The following HBE1 variants were observed in gnomAD, a reference collection of about 807,000 sequenced individuals.
HBE1 encodes hemoglobin subunit epsilon.
HBE1 carries 10 observed loss-of-function variants against 12.1 expected under a neutral mutation model. The ratio of observed to expected loss-of-function variants is 0.83; its 90% CI spans 0.51 to 1.40. The LOEUF is 1.40. HBE1 is among the 40% of genes most tolerant of loss of function. The probability of loss-of-function intolerance (pLI) is 0.00; values close to 1 mark genes in which losing one functional copy is unlikely to be tolerated. For synonymous variants in HBE1, 78 were observed against 70.4 expected (o/e 1.11, Z -0.54); for missense variants, 172 against 175.8 (o/e 0.98, Z 0.12).
At chr11:5,269,322 A>G in intron 2 of HBE1, 132 bp downstream of exon 2, 4 of 743,900 alleles carry the variant, frequency 5.4e-6, no homozygotes, top group Non-Finnish European at 9.7e-6. Context: ...GCTCACTAGA[A>G]GTCTGCTGTT....
rs1189601673 is a variant in HBE1, at chr11:5,268,394, C to A, written c.*75G>T. 19 of 1,379,584 alleles carry A rather than the reference C, an allele frequency of 1.4e-5. No individual in the cohort carries two copies. Among genetic ancestry groups the A allele is most frequent in the Non-Finnish European group, 1.8e-5 (18 of 1,008,100 alleles). 85.5% of individuals were successfully genotyped at this position (1,379,584 alleles called of 1,614,324 possible). On this transcript the variant is annotated 3_prime_UTR_variant, in exon 3 of 3. Coordinates refer to ENST00000396895, the MANE Select transcript of HBE1 (RefSeq NM_005330.4). Reference sequence around the variant, plus strand: ...CTTTATTAAACAGAAGGCTTTCTCTCAAGGCCAAGCCCAGTCCCCATGTGC... The same window carrying A: ...CTTTATTAAACAGAAGGCTTTCTCTAAAGGCCAAGCCCAGTCCCCATGTGC...
At position 5,269,930 on chromosome 11, in the gene HBE1, T is replaced by A. The variant is rs758295345; in HGVS notation, c.-40A>T. On this transcript the variant is annotated 5_prime_UTR_variant, in exon 1 of 3. Coordinates refer to ENST00000396895, the MANE Select transcript of HBE1 (RefSeq NM_005330.4). ...GAGCTTGCTAGTGATTGCAGCTGTG[T>A]CGGAAGCAGATATGTGCTGCTGCCT... The A allele has an allele frequency of 4.8e-6, 7 of 1,444,098 alleles. No individual in the cohort carries two copies. Among genetic ancestry groups the A allele is most frequent in the Non-Finnish European group, 6.8e-6 (7 of 1,027,620 alleles). The allele number at this position is 1,444,098 out of a possible 1,614,324, so 89.5% of individuals were successfully genotyped here.
rs202117063 is a variant in HBE1 at position 5,269,054 on chromosome 11, A to AT, written c.315+399dup. Among the ~76,000 whole-genome samples the AT allele has an allele frequency of 5.4e-3, 826 of 151,978 alleles. 2 individuals carry two copies. The highest frequency in any genetic ancestry group is 7.6e-3 in the Non-Finnish European group (515 of 67,920). On this transcript the variant is annotated intron_variant, in intron 2 of 2. Transcript: ENST00000396895. ...TTATTTTTCTTTGAGCAAATCTTTT[A>AT]TTTTTTTTGCAAAAATCTCTTTCTA... is the stretch of plus-strand genomic sequence containing the variant.
At position 5,269,815 on chromosome 11, in the gene HBE1, C is replaced by T. The variant is rs536617724; in HGVS notation, c.76G>A (p.Gly26Ser). Residue 26 changes from glycine to serine, a missense_variant, in exon 1 of 3, where the codon GGT becomes AGT. By Grantham distance (56) the Gly-to-Ser change is moderately conservative. Transcript: ENST00000396895. ...WSKMNVEEAG[G>S]EALGRLLVVY... Reference sequence around the variant, plus strand: ...AATGCTTACCTGCCCAAGGCTTCACCTCCAGCCTCTTCCACATTCATCTTG... The same window carrying T: ...AATGCTTACCTGCCCAAGGCTTCACTTCCAGCCTCTTCCACATTCATCTTG... 14 of 1,612,722 alleles carry T rather than the reference C, an allele frequency of 8.7e-6. No homozygotes were observed. Among genetic ancestry groups the T allele is most frequent in the Middle Eastern group, 1.6e-4 (1 of 6,078 alleles).
chr11:5,268,639 AG>A (rs757199143), intron 2 of HBE1, 42 bp from the exon 3 acceptor site: 2 of 1,579,008 alleles, frequency 1.3e-6, no homozygotes, highest in South Asian at 2.2e-5. Context: ...CATGTTGAGT[AG>A]AAGTTTCCGA....
chr11:5,269,379 T>A, intron 2 of HBE1, 75 bp downstream of exon 2: 1 of 1,069,246 alleles, frequency 9.4e-7, no homozygotes, highest in Non-Finnish European at 1.5e-6. Flanking sequence ...TGTTGGTCTT[T>A]CCAATAAGAT....
intron 1 of HBE1, 38 bp from the exon 2 acceptor site, chr11:5,269,714 T>C (rs1201292211): frequency 2.5e-6 from 4 of 1,581,284 alleles, no homozygotes; most frequent in Non-Finnish European, 2.6e-6. Flanking sequence ...AAATTAGAGA[T>C]GCAAAAAATC....
chr11:5,269,831 A>G lies in HBE1; in HGVS notation c.60T>C (p.Asn20=), dbSNP rs142411718. Reference sequence around the variant, plus strand: ...AGGCTTCACCTCCAGCCTCTTCCACATTCATCTTGCTCCACAGGCTAGTGA... The same window carrying G: ...AGGCTTCACCTCCAGCCTCTTCCACGTTCATCTTGCTCCACAGGCTAGTGA... ...AAVTSLWSKM[N]VEEAGGEALG... The change falls in exon 1 of 3, where the codon AAT becomes AAC. Residue 20 remains asparagine (N), a synonymous_variant. Coordinates refer to ENST00000396895, the MANE Select transcript of HBE1 (RefSeq NM_005330.4). 67 of 1,613,894 alleles carry G rather than the reference A, an allele frequency of 4.2e-5. No homozygotes were observed. Among genetic ancestry groups the G allele is most frequent in the Admixed American group, 1.8e-4 (11 of 59,996 alleles).
Position 5,269,894 on chromosome 11 carries a change from G to A in HBE1, c.-4C>T. On this transcript the variant is annotated 5_prime_UTR_variant, in exon 1 of 3. Coordinates refer to ENST00000396895, the MANE Select transcript of HBE1 (RefSeq NM_005330.4). ...CCTCAGCAGTAAAATGCACCATGAT[G>A]CCAGGCCTGAGAGCTTGCTAGTGAT... is the stretch of plus-strand genomic sequence containing the variant. 1 of 1,607,136 alleles carries A rather than the reference G, an allele frequency of 6.2e-7. No homozygotes were observed. Among genetic ancestry groups the A allele is most frequent in the Non-Finnish European group, 8.5e-7 (1 of 1,174,048 alleles).
At chr11:5,269,165 C>A (rs1201204707) in intron 2 of HBE1, among the ~76,000 whole-genome samples, 1 of 152,106 alleles carries the variant, frequency 6.6e-6, no homozygotes, top group Non-Finnish European at 1.5e-5. Flanking sequence ...AAATTTCATT[C>A]TTCTTTCACA....
At position 5,268,418 on chromosome 11, in the gene HBE1, G is replaced by A. The variant is rs1272611919; in HGVS notation, c.*51C>T. ...TCAAGGCCAAGCCCAGTCCCCATGT[G>A]CAGAAGGAGGGTGTCAGGGTCACAG... On this transcript the variant is annotated 3_prime_UTR_variant, in exon 3 of 3. Transcript: ENST00000396895. The A allele has an allele frequency of 6.4e-7, 1 of 1,566,852 alleles. No homozygotes were observed.
rs763010764 is a variant in HBE1 at position 5,269,519 on chromosome 11, G to A, written c.250C>T (p.Pro84Ser). 1.2e-6 allele frequency: 2 copies of A among 1,613,940 alleles called. No homozygotes were observed. The highest frequency in any genetic ancestry group is 2.7e-5 in the African/African-American group (2 of 74,910). The change falls in exon 2 of 3, where the codon CCC becomes TCC. Residue 84 changes from proline (P) to serine (S), a missense_variant. Physicochemically the swap from Pro to Ser is moderately conservative, Grantham distance 74. Coordinates refer to ENST00000396895, the MANE Select transcript of HBE1 (RefSeq NM_005330.4). ...AGCTCACTCAGCTTAGCAAAGGCGG[G>A]CTTGAGGTTGTCCATGTTTTTAATA... ...DAIKNMDNLK[P>S]AFAKLSELHC...
At position 5,269,586 on chromosome 11, in the gene HBE1, G is replaced by T. The variant is rs202160057; in HGVS notation, c.183C>A (p.Val61=). ...SPSAILGNPK[V]KAHGKKVLTS... is the part of the protein sequence containing the mutation. ...TCAGCACCTTCTTGCCATGGGCCTT[G>T]ACCTTGGGGTTGCCCAGGATGGCAG... The change falls in exon 2 of 3, where the codon GTC becomes GTA. Residue 61 remains valine (V), a synonymous_variant. Transcript: ENST00000396895. 2.5e-6 allele frequency: 4 copies of T among 1,613,920 alleles called. No homozygotes were observed.
chr11:5,269,364 A>G (rs1848166444), intron 2 of HBE1, 90 bp downstream of exon 2: 1 of 966,406 alleles, frequency 1.0e-6, no homozygotes, highest in East Asian at 2.4e-5. Flanking sequence ...GATTTCTGAG[A>G]TCTTTGTTGG....
chr11:5,269,476 T>C lies in HBE1; in HGVS notation c.293A>G (p.His98Arg). The C allele has an allele frequency of 1.2e-6, 2 of 1,613,824 alleles. No homozygotes were observed. Among genetic ancestry groups the C allele is most frequent in the Non-Finnish European group, 1.7e-6 (2 of 1,179,738 alleles). ...KLSELHCDKLHVDPENFKLLG... is the reference protein window; with the variant it reads ...KLSELHCDKLRVDPENFKLLG... The stretch of plus-strand genomic sequence containing the variant: ...CACCTTGAAGTTCTCAGGATCCACA[T>C]GCAGCTTGTCACAGTGCAGCTCACT... The change falls in exon 2 of 3, where the codon CAT becomes CGT. Residue 98 changes from histidine (H) to arginine (R), a missense_variant. Physicochemically the swap from His to Arg is conservative, Grantham distance 29 (BLOSUM62 0). Transcript: ENST00000396895.
At chr11:5,269,004 T>G (rs929549371) in intron 2 of HBE1, among the ~76,000 whole-genome samples, 1 of 152,204 alleles carries the variant, frequency 6.6e-6, no homozygotes, top group African/African-American at 2.4e-5. Context: ...TGATGGGAAA[T>G]TTAACATATT....
At chr11:5,269,174 C>T (rs1435362034) in intron 2 of HBE1, among the ~76,000 whole-genome samples, 2 of 152,142 alleles carry the variant, frequency 1.3e-5, no homozygotes, top group Non-Finnish European at 2.9e-5. Flanking sequence ...TCTTCTTTCA[C>T]AAGTCTACAA....
intron 2 of HBE1, among the ~76,000 whole-genome samples, 181 bp from the exon 3 acceptor site, chr11:5,268,778 A>G (rs539301920): frequency 2.0e-5 from 3 of 152,232 alleles, no homozygotes; most frequent in Admixed American, 1.3e-4. Flanking sequence ...CTTAGGTTCA[A>G]TTTTATTCTA....
chr11:5,269,617 G>A lies in HBE1; in HGVS notation c.152C>T (p.Ser51Phe). Reference protein sequence around the residue: ...RFFDSFGNLSSPSAILGNPKV... With the variant: ...RFFDSFGNLSFPSAILGNPKV... ...GGGGTTGCCCAGGATGGCAGAGGGA[G>A]ACGACAGGTTTCCAAAGCTGTCAAA... Residue 51 changes from serine to phenylalanine, a missense_variant, in exon 2 of 3, where the codon TCT (serine) becomes TTT (phenylalanine). Ser to Phe is a radical substitution (Grantham distance 155). Coordinates refer to ENST00000396895, the MANE Select transcript of HBE1 (RefSeq NM_005330.4). The A allele has an allele frequency of 6.2e-7, 1 of 1,613,618 alleles. No homozygotes were observed. The highest frequency in any genetic ancestry group is 1.1e-5 in the South Asian group (1 of 91,082).
Sources: gnomAD v4.1 joint callset for allele counts (sites outside exome capture counted in the v4.1 genomes callset) on GRCh38, gnomAD v4.1.1 for gene constraint, MANE v1.5 for transcripts, NCBI Gene and HGNC (gene_info 2026-07-23, HGNC 2026-07-21) for gene names.